PRPF40B: variants seen among roughly 807,000 people sequenced by gnomAD.
PRPF40B encodes the protein pre-mRNA processing factor 40B.
A neutral mutation model predicts 124.5 loss-of-function variants in PRPF40B; 56 were observed. The ratio of observed to expected loss-of-function variants is 0.45; its 90% CI spans 0.36 to 0.56. PRPF40B has a LOEUF of 0.56. Among genes scored for constraint, PRPF40B ranks in the 20% least tolerant of loss-of-function variants. The pLI is 0.00. For missense variants in PRPF40B, 1,053 were observed against 1,169.5 expected (o/e 0.90, Z 1.45); for synonymous variants, 443 against 426.4 (o/e 1.04, Z -0.48).
At chr12:49,634,241 CAAG>C (rs1467428552) in intron 10 of PRPF40B, 88 bp from the exon 11 acceptor site, 3 of 1,600,420 alleles carry the variant, frequency 1.9e-6, no homozygotes, top group Non-Finnish European at 2.6e-6. Flanking sequence ...CCCTGGGGAA[CAAG>C]GAGGGGGTGA....
intron 12 of PRPF40B, 48 bp downstream of exon 12, chr12:49,634,650 G>A: frequency 6.2e-7 from 1 of 1,609,702 alleles, no homozygotes; most frequent in African/African-American, 1.3e-5. Context: ...GAGCAGCTGT[G>A]CTAGGGACTC....
rs753845877 is a variant in PRPF40B, at chr12:49,644,155, G to A, written c.2642G>A (p.Arg881Gln). The A allele has an allele frequency of 7.4e-6, 12 of 1,613,974 alleles. No individual in the cohort carries two copies. The highest frequency in any genetic ancestry group is 6.7e-5 in the East Asian group (3 of 44,896). The stretch of plus-strand genomic sequence containing the variant: ...AGTGAGGGTGAGCTGGAGAGGCGGC[G>A]GCGGACACTCCTACAGCAGCTGGAT... ...ELSEGELERRRRTLLQQLDDH... is the reference protein window; with the variant it reads ...ELSEGELERRQRTLLQQLDDH... Residue 881 changes from arginine to glutamine, a missense_variant, in exon 26 of 26, where the codon CGG becomes CAG. Coordinates refer to ENST00000548825, the MANE Select transcript of PRPF40B (RefSeq NM_001031698.3).
At position 49,643,992 on chromosome 12, in the gene PRPF40B, C is replaced by T. The variant is rs772664757; in HGVS notation, c.2574C>T (p.Ile858=). ...CTAACCGTTCCCCAGGCTTTGGAAT[C>T]AAGAAGGAGAAGGTGAGGGGCAGGG... ...ELPNRSPGFG[I]KKEKTGWDTS... Residue 858 remains isoleucine, a synonymous_variant, in exon 25 of 26, where the codon ATC becomes ATT. Transcript: ENST00000548825. The T allele has an allele frequency of 6.2e-7, 1 of 1,614,170 alleles. No homozygotes were observed. The highest frequency in any genetic ancestry group is 1.1e-5 in the South Asian group (1 of 91,074).
intron 1 of PRPF40B, 38 bp downstream of exon 1, chr12:49,623,631 G>A: frequency 8.1e-7 from 1 of 1,230,894 alleles, no homozygotes; most frequent in Non-Finnish European, 1.0e-6. Context: ...GCTCGGGGCG[G>A]TCCCACAGCG....
chr12:49,633,232 A>G, intron 7 of PRPF40B, 108 bp downstream of exon 7: 3 of 1,270,164 alleles, frequency 2.4e-6, no homozygotes, highest in South Asian at 2.8e-5. Flanking sequence ...TCTGATCCCA[A>G]GGTCCCTGAC....
At chr12:49,637,888 C>T in intron 18 of PRPF40B, 64 bp downstream of exon 18, 1 of 1,365,770 alleles carries the variant, frequency 7.3e-7, no homozygotes, top group Non-Finnish European at 1.0e-6. Context: ...CTGCAGAGGA[C>T]TCCCTGATAA....
chr12:49,624,444 G>A (rs906572842), intron 1 of PRPF40B, among the ~76,000 whole-genome samples: 2 of 152,212 alleles, frequency 1.3e-5, no homozygotes, highest in African/African-American at 2.4e-5. Flanking sequence ...CTGTTGGAGG[G>A]ATGGAAGAAC....
intron 7 of PRPF40B, 78 bp from the exon 8 acceptor site, chr12:49,633,349 A>C: frequency 6.3e-7 from 1 of 1,586,242 alleles, no homozygotes; most frequent in Non-Finnish European, 8.6e-7. Flanking sequence ...TCCTCTACTC[A>C]CTAGGTCCCC....
intron 1 of PRPF40B, among the ~76,000 whole-genome samples, chr12:49,626,657 C>T (rs972370256): frequency 6.6e-6 from 1 of 152,090 alleles, no homozygotes; most frequent in Non-Finnish European, 1.5e-5. Flanking sequence ...GGGCGGCCTT[C>T]GTTGCAAGGC....
chr12:49,623,441 G>T (rs1233169730), upstream of PRPF40B: 2 of 821,598 alleles, frequency 2.4e-6, no homozygotes, highest in Non-Finnish European at 3.2e-6. Flanking sequence ...GCCGGTTGGG[G>T]CCCCGCTCGC....
In PRPF40B at chr12:49,642,274, A is replaced by G. The variant is rs201177913; in HGVS notation, c.1924A>G (p.Lys642Glu). ...AGAGGCACGGGAGAGGGAGCGGGAG[A>G]AGGAGGAGGCACGCAGGATGCGGCG... The part of the protein sequence containing the change: ...KAEARERERE[K>E]EEARRMRRRE... Residue 642 changes from lysine (K) to glutamate (E), a missense_variant, in exon 20 of 26, where the codon AAG (lysine) becomes GAG (glutamate). Around this residue, in one of 2 missense-constraint regions of PRPF40B, gnomAD observed 895 missense variants for 1,052.2 expected, o/e 0.85. Transcript: ENST00000548825. This position sits in a 1 kb window ranked among gnomAD's most constrained non-coding sequence, Gnocchi z 5.8. 258 of 1,613,992 alleles carry G rather than the reference A, an allele frequency of 1.6e-4. 1 individual carries two copies. Among genetic ancestry groups the G allele is most frequent in the South Asian group, 7.6e-4 (69 of 91,072 alleles).
chr12:49,644,225 T>A lies in PRPF40B; in HGVS notation c.*33T>A, dbSNP rs1214562651. ...AGCTGTTCTCTGCCTCGGGTCTGTG[T>A]GAGGCCATGGCTCCTGGGCCACCCT... On this transcript the variant is annotated 3_prime_UTR_variant, in exon 26 of 26. Coordinates refer to ENST00000548825, the MANE Select transcript of PRPF40B (RefSeq NM_001031698.3). 3 of 1,610,032 alleles carry A rather than the reference T, an allele frequency of 1.9e-6. No homozygotes were observed. The highest frequency in any genetic ancestry group is 2.2e-5 in the South Asian group (2 of 90,976).
chr12:49,623,453 G>T (rs1169236124), upstream of PRPF40B: 16 of 970,612 alleles, frequency 1.6e-5, no homozygotes, highest in Admixed American at 1.3e-4. Flanking sequence ...CCCGCTCGCC[G>T]GCGGGAGCCA....
In PRPF40B at chr12:49,634,177, C is replaced by A; in HGVS notation, c.812+85C>A. 4 of 1,575,490 alleles carry A rather than the reference C, an allele frequency of 2.5e-6. No homozygotes were observed. In the Admixed American group the frequency reaches 5.3e-5, roughly 21 times the overall value. ...CCCTTGTCCTCTGCTGGGCCTCTCT[C>A]TCAGGAGGGGTTTGAAGATCTGGGT... On this transcript the variant is annotated intron_variant, in intron 10 of 25. Coordinates refer to ENST00000548825, the MANE Select transcript of PRPF40B (RefSeq NM_001031698.3).
At position 49,635,078 on chromosome 12, in the gene PRPF40B, C is replaced by T. The variant is rs1217459459; in HGVS notation, c.1002-21C>T. 1.9e-6 allele frequency: 3 copies of T among 1,602,200 alleles called. No individual in the cohort carries two copies. The highest frequency in any genetic ancestry group is 3.4e-5 in the Admixed American group (2 of 58,548). Reference sequence around the variant, plus strand: ...TCGGGTGACTTCTCTATCCCCACCCCACTCCTACCCTCTATCCCAGTGCCT... The same window carrying T: ...TCGGGTGACTTCTCTATCCCCACCCTACTCCTACCCTCTATCCCAGTGCCT... On this transcript the variant is annotated intron_variant, in intron 12 of 25. Coordinates refer to ENST00000548825, the MANE Select transcript of PRPF40B (RefSeq NM_001031698.3). This position sits in a 1 kb window ranked among gnomAD's most constrained non-coding sequence, Gnocchi z 4.1.
Position 49,632,995 on chromosome 12 carries a change from T to TGGGGGGGGGGGGGGGGGGGGG in PRPF40B, c.349-18_349-17insGGGGGGGGGGGGGGGGGGGGG. The stretch of plus-strand genomic sequence containing the variant: ...AAAAGGGGCCTTGACCACCATTCTG[T>TGGGGGGGGGGGGGGGGGGGGG]GCCCCCCCCCCCACCCAGAGGGCCC... On this transcript the variant is annotated intron_variant, in intron 6 of 25. Transcript: ENST00000548825. 2 of 1,365,422 alleles carry TGGGGGGGGGGGGGGGGGGGGG rather than the reference T, an allele frequency of 1.5e-6. No individual in the cohort carries two copies. Among genetic ancestry groups the TGGGGGGGGGGGGGGGGGGGGG allele is most frequent in the East Asian group, 2.4e-5 (1 of 40,860 alleles). 84.6% of individuals were successfully genotyped at this position (1,365,422 alleles called of 1,614,324 possible).
chr12:49,642,311 C>T lies in PRPF40B; in HGVS notation c.1961C>T (p.Ala654Val), dbSNP rs762160468. 3.7e-6 allele frequency: 6 copies of T among 1,614,188 alleles called. No individual in the cohort carries two copies. The South Asian group carries it at 6.6e-5, about 18-fold the overall frequency. Residue 654 changes from alanine to valine, a missense_variant, in exon 20 of 26, where the codon GCC becomes GTC. Physicochemically the swap from Ala to Val is moderately conservative, Grantham distance 64. Transcript: ENST00000548825. The surrounding 1 kb of genome is among the most constrained non-coding windows in gnomAD (Gnocchi z 5.8). Reference sequence around the variant, plus strand: ...CGCAGGATGCGGCGCAGGGAAGCTGCCTTTCGAAGCATGCTGAGGCAGGCT... The same window carrying T: ...CGCAGGATGCGGCGCAGGGAAGCTGTCTTTCGAAGCATGCTGAGGCAGGCT... Reference protein sequence around the residue: ...EARRMRRREAAFRSMLRQAVP... With the variant: ...EARRMRRREAVFRSMLRQAVP...
chr12:49,632,571 C>T, intron 4 of PRPF40B, 25 bp from the exon 5 acceptor site: 2 of 1,612,888 alleles, frequency 1.2e-6, no homozygotes, highest in Non-Finnish European at 1.7e-6. Context: ...GGCCCCAACC[C>T]TTCCCCCTCC....
intron 18 of PRPF40B, chr12:49,639,442 T>G (rs961881748): frequency 6.6e-6 from 1 of 152,332 alleles, no homozygotes; most frequent in African/African-American, 2.4e-5. Context: ...TGCAGGAATC[T>G]TGTAGGAGGT....
Sources: allele counts gnomAD v4.1 joint callset (sites outside exome capture counted in the v4.1 genomes callset), GRCh38; gene constraint gnomAD v4.1.1; regional missense constraint gnomAD v4.1.1; non-coding constraint Gnocchi (gnomAD v3.1); transcripts MANE v1.5; gene names NCBI Gene and HGNC (gene_info 2026-07-23, HGNC 2026-07-21).